DPH5: variants seen among roughly 807,000 people sequenced by gnomAD.
DPH5 encodes the protein diphthine methyl ester synthase.
Under a neutral mutation model 31.6 loss-of-function variants are expected in DPH5, and 31 were observed. The observed-to-expected ratio is 0.98, with a 90% CI of 0.74 to 1.32. The LOEUF is 1.32. Ranked by LOEUF, DPH5 falls within the 40% of genes most tolerant of loss-of-function variation. DPH5 has a pLI of 0.00. For synonymous variants in DPH5, 120 were observed against 115.0 expected (o/e 1.04, Z -0.28); for missense variants, 309 against 335.7 (o/e 0.92, Z 0.62).
intron 7 of DPH5, among the ~76,000 whole-genome samples, chr1:100,992,188 AAG>A (rs1165233892): frequency 6.6e-6 from 1 of 152,158 alleles, no homozygotes; most frequent in East Asian, 1.9e-4. Context: ...TTAGGAATAT[AAG>A]AACAAATTTT....
chr1:101,003,172 T>C (rs1658993465), intron 4 of DPH5, among the ~76,000 whole-genome samples: 1 of 152,206 alleles, frequency 6.6e-6, no homozygotes, highest in Admixed American at 6.5e-5. Flanking sequence ...TATTGAGTCA[T>C]GAAACTTCCT....
At chr1:100,999,154 C>G (rs1413693512) in intron 5 of DPH5, among the ~76,000 whole-genome samples, 3 of 152,170 alleles carry the variant, frequency 2.0e-5, no homozygotes, top group Admixed American at 1.3e-4. Context: ...ATAATCTTTT[C>G]TATTAAGACA....
rs1027029495 is a variant in DPH5, at chr1:101,024,881, C to T, written c.135+428G>A. The T allele has an allele frequency of 3.7e-5, 6 of 162,640 alleles. No homozygotes were observed. The South Asian group carries it at 1.0e-3, about 27-fold the overall frequency. The allele number at this position is 162,640 out of a possible 1,614,324, so 10.1% of individuals were successfully genotyped here. A position where few individuals can be genotyped will look rare whatever the true frequency, so the allele number is the denominator to read the frequency against. On this transcript the variant is annotated intron_variant, in intron 2 of 7. Transcript: ENST00000370109. ...TCTCTCTGGATAGGATACAAAAAGGCAATCGCCATTCCCTATGGACACACT... is the reference window on the plus strand; with the variant it reads ...TCTCTCTGGATAGGATACAAAAAGGTAATCGCCATTCCCTATGGACACACT...
At chr1:101,016,989 G>A (rs1191329445) in intron 3 of DPH5, among the ~76,000 whole-genome samples, 4 of 152,254 alleles carry the variant, frequency 2.6e-5, no homozygotes, top group East Asian at 1.9e-4. Context: ...TTTTATATGC[G>A]CTTGGTTTGT....
intron 7 of DPH5, among the ~76,000 whole-genome samples, chr1:100,990,897 C>G (rs1470614316): frequency 2.0e-5 from 3 of 152,240 alleles, no homozygotes; most frequent in Non-Finnish European, 4.4e-5. Context: ...ACAAGCTATA[C>G]TTACACTCTA....
chr1:100,991,366 T>G (rs1331030218), intron 7 of DPH5, among the ~76,000 whole-genome samples: 1 of 152,238 alleles, frequency 6.6e-6, no homozygotes, highest in African/African-American at 2.4e-5. Context: ...GCAAATGGTT[T>G]ATCCAAGGAC....
At position 100,995,003 on chromosome 1, in the gene DPH5, G is replaced by C. The variant is rs552734760; in HGVS notation, c.530+107C>G. The C allele has an allele frequency of 1.0e-4, 77 of 747,234 alleles. No homozygotes were observed. The African/African-American group carries it at 1.1e-3, about 11-fold the overall frequency. 46.3% of individuals were successfully genotyped at this position (747,234 alleles called of 1,614,324 possible). ...AATGCTTAATGTTCACACTGTTAATGAGAGCTCATTTTCAACCATCTTTAG... is the reference window on the plus strand; with the variant it reads ...AATGCTTAATGTTCACACTGTTAATCAGAGCTCATTTTCAACCATCTTTAG... On this transcript the variant is annotated intron_variant, in intron 6 of 7. Transcript: ENST00000370109.
At position 101,013,748 on chromosome 1, in the gene DPH5, C is replaced by T. The variant is rs747229142; in HGVS notation, c.331G>A (p.Ala111Thr). Residue 111 changes from alanine (A) to threonine (T), a missense_variant, in exon 4 of 8, where the codon GCC (alanine) becomes ACC (threonine). Transcript: ENST00000370109. ...CAGCCTACAGCATTCATTATGGAGG[C>T]ATTGTGAATAACTCTATAAGGAATT... is the stretch of plus-strand genomic sequence containing the variant. ...LGIPYRVIHN[A>T]SIMNAVGCCG... 1 of 1,612,844 alleles carries T rather than the reference C, an allele frequency of 6.2e-7. No individual in the cohort carries two copies. Among genetic ancestry groups the T allele is most frequent in the South Asian group, 1.1e-5 (1 of 90,922 alleles).
intron 4 of DPH5, among the ~76,000 whole-genome samples, chr1:101,007,283 T>G (rs563289129): frequency 1.4e-4 from 21 of 152,324 alleles, no homozygotes; most frequent in African/African-American, 4.8e-4. Flanking sequence ...TCTTCCTAAT[T>G]TTCTGTGAGC....
chr1:101,017,939 A>C (rs1438758938), intron 3 of DPH5, among the ~76,000 whole-genome samples: 1 of 152,248 alleles, frequency 6.6e-6, no homozygotes, highest in African/African-American at 2.4e-5. Context: ...GAGTTATTTA[A>C]GCAAATGAAA....
chr1:101,011,196 G>C (rs1659609354), intron 4 of DPH5, among the ~76,000 whole-genome samples: 1 of 152,150 alleles, frequency 6.6e-6, no homozygotes, highest in African/African-American at 2.4e-5. Flanking sequence ...TAAAATTTAA[G>C]TGTGTCATGC....
At chr1:101,024,772 T>G (rs1022752610) in intron 2 of DPH5, among the ~76,000 whole-genome samples, 2 of 152,256 alleles carry the variant, frequency 1.3e-5, no homozygotes, top group Non-Finnish European at 2.9e-5. Context: ...CTCATACATT[T>G]TTATATATTA....
chr1:100,994,430 A>G (rs1344856757), intron 6 of DPH5, among the ~76,000 whole-genome samples: 5 of 152,152 alleles, frequency 3.3e-5, no homozygotes. Flanking sequence ...TCTCTAAGTA[A>G]AAAAGGATTA....
intron 5 of DPH5, among the ~76,000 whole-genome samples, chr1:100,999,988 A>T (rs1238806044): frequency 1.3e-5 from 2 of 152,040 alleles, no homozygotes; most frequent in Non-Finnish European, 2.9e-5. Flanking sequence ...ACTAAAAAAA[A>T]TACAAAAAAT....
intron 2 of DPH5, chr1:101,025,001 T>A: frequency 3.8e-6 from 1 of 261,380 alleles, no homozygotes; most frequent in Non-Finnish European, 7.3e-6. Flanking sequence ...TCAGAAAGGG[T>A]TTCTTGACTA....
intron 5 of DPH5, chr1:100,995,422 G>A (rs1394641613): frequency 3.0e-6 from 1 of 331,160 alleles, no homozygotes; most frequent in Non-Finnish European, 5.7e-6. Flanking sequence ...GATAAACATT[G>A]GCATATACAC....
intron 4 of DPH5, among the ~76,000 whole-genome samples, chr1:101,011,153 C>G (rs959232651): frequency 6.6e-6 from 1 of 152,208 alleles, no homozygotes; most frequent in Non-Finnish European, 1.5e-5. Context: ...TGTCAAAGTA[C>G]TTGCATTATG....
chr1:101,005,007 C>T (rs746786444), intron 4 of DPH5, among the ~76,000 whole-genome samples: 10 of 152,194 alleles, frequency 6.6e-5, no homozygotes, highest in Non-Finnish European at 1.3e-4. Flanking sequence ...TTTTATGTAG[C>T]TGACTACTCA....
chr1:101,025,583 T>A, intron 1 of DPH5, 100 bp downstream of exon 1: 1 of 994,622 alleles, frequency 1.0e-6, no homozygotes, highest in Non-Finnish European at 1.5e-6. Context: ...CAAGGAGGGG[T>A]TTGGGAACCT....
Sources: gnomAD v4.1 joint callset for allele counts (sites outside exome capture counted in the v4.1 genomes callset) on GRCh38, gnomAD v4.1.1 for gene constraint, MANE v1.5 for transcripts, NCBI Gene and HGNC (gene_info 2026-07-23, HGNC 2026-07-21) for gene names.